HS6ST3: variants seen among roughly 807,000 people sequenced by gnomAD.
HS6ST3 encodes the protein heparan sulfate 6-O-sulfotransferase 3.
HS6ST3 carries 12 observed loss-of-function variants against 36.7 expected under a neutral mutation model. The ratio of observed to expected loss-of-function variants is 0.33; its 90% CI spans 0.21 to 0.53. The LOEUF is 0.53. HS6ST3 is among the 20% of genes least tolerant of loss of function. HS6ST3 has a pLI of 0.95. For synonymous variants in HS6ST3, 240 were observed against 257.5 expected (o/e 0.93, Z 0.65); for missense variants, 584 against 640.9 (o/e 0.91, Z 0.96).
chr13:96,736,861 G>A (rs1361704679), intron 1 of HS6ST3, among the ~76,000 whole-genome samples: 1 of 152,126 alleles, frequency 6.6e-6, no homozygotes, highest in Non-Finnish European at 1.5e-5. Flanking sequence ...CAAACATGGA[G>A]ACAATAAGAA....
chr13:96,432,085 G>A (rs937928264), intron 1 of HS6ST3, among the ~76,000 whole-genome samples: 4 of 152,064 alleles, frequency 2.6e-5, no homozygotes, highest in African/African-American at 9.7e-5. Flanking sequence ...AACAAAGTAT[G>A]GAAATGGAAA....
chr13:96,339,428 T>C (rs1171702155), intron 1 of HS6ST3, among the ~76,000 whole-genome samples: 1 of 152,138 alleles, frequency 6.6e-6, no homozygotes, highest in African/African-American at 2.4e-5. Context: ...ATTCTTCTCA[T>C]GAAGCTTTTC....
chr13:96,490,668 G>C (rs1012652582), intron 1 of HS6ST3, among the ~76,000 whole-genome samples: 2 of 152,154 alleles, frequency 1.3e-5, no homozygotes, highest in Admixed American at 1.3e-4. Context: ...TGTCACTTGA[G>C]AGGCATATTT....
chr13:96,553,128 G>A (rs928955167), intron 1 of HS6ST3, among the ~76,000 whole-genome samples: 6 of 152,178 alleles, frequency 3.9e-5, no homozygotes, highest in African/African-American at 9.7e-5. Flanking sequence ...GAAGGAGTCT[G>A]TGTAATTCCC....
At position 96,090,761 on chromosome 13, in the gene HS6ST3, C is replaced by A; in HGVS notation, c.-102C>A. On this transcript the variant is annotated 5_prime_UTR_variant, in exon 1 of 2. Transcript: ENST00000376705. ...GTCAGGGGCATGGAGGAACGGCGGG[C>A]TCCGAGCCGCGCCCCGGAGTCCGCG... is the stretch of plus-strand genomic sequence containing the variant. The A allele has an allele frequency of 4.1e-6, 4 of 971,302 alleles. No homozygotes were observed. The highest frequency in any genetic ancestry group is 5.5e-5 in the South Asian group (2 of 36,490). 60.2% of individuals were successfully genotyped at this position (971,302 alleles called of 1,614,324 possible).
At chr13:96,242,125 C>T (rs1330298878) in intron 1 of HS6ST3, among the ~76,000 whole-genome samples, 7 of 151,834 alleles carry the variant, frequency 4.6e-5, no homozygotes, top group Non-Finnish European at 1.0e-4. Context: ...GGGGGCCGGG[C>T]GCATAACTAA....
At chr13:96,552,998 G>A (rs1335889482) in intron 1 of HS6ST3, among the ~76,000 whole-genome samples, 1 of 152,152 alleles carries the variant, frequency 6.6e-6, no homozygotes, top group Non-Finnish European at 1.5e-5. Context: ...CCTGCAGGGA[G>A]AGGAGTGAGG....
chr13:96,831,781 C>G (rs1338886744), intron 1 of HS6ST3, among the ~76,000 whole-genome samples: 1 of 151,690 alleles, frequency 6.6e-6, no homozygotes, highest in African/African-American at 2.4e-5. Flanking sequence ...ATGATGAAAC[C>G]CCATCTCTAT....
intron 1 of HS6ST3, among the ~76,000 whole-genome samples, chr13:96,554,343 A>C (rs2056231433): frequency 6.6e-6 from 1 of 152,196 alleles, no homozygotes; most frequent in Non-Finnish European, 1.5e-5. Flanking sequence ...CTATGTAAAA[A>C]TGGTATTATA....
Position 96,661,230 on chromosome 13 carries a change from C to T in HS6ST3, c.708-171260C>T, listed in dbSNP as rs554156421. ...TCGAAGATCTACCTAATACTGTTGG[C>T]GGTGTGTTGAAGTCCCCCACCATTA... On this transcript the variant is annotated intron_variant, in intron 1 of 1. Coordinates refer to ENST00000376705, the MANE Select transcript of HS6ST3 (RefSeq NM_153456.4). Among the ~76,000 whole-genome samples, 16 of 152,178 alleles carry T rather than the reference C, an allele frequency of 1.1e-4. No homozygotes were observed. In the South Asian group the frequency reaches 2.5e-3, roughly 24 times the overall value.
intron 1 of HS6ST3, among the ~76,000 whole-genome samples, chr13:96,567,831 G>A (rs992956511): frequency 3.3e-5 from 5 of 152,140 alleles, no homozygotes; most frequent in East Asian, 3.8e-4. Context: ...CATTTCTTCC[G>A]AAGTAGAAAG....
chr13:96,602,652 T>C (rs777669917), intron 1 of HS6ST3, among the ~76,000 whole-genome samples: 2 of 152,162 alleles, frequency 1.3e-5, no homozygotes, highest in Non-Finnish European at 2.9e-5. Context: ...GTCCCAGCAG[T>C]AGTGTGGCTC....
chr13:96,300,265 C>T (rs1294571870), intron 1 of HS6ST3, among the ~76,000 whole-genome samples: 1 of 151,718 alleles, frequency 6.6e-6, no homozygotes, highest in Non-Finnish European at 1.5e-5. Context: ...CCATGTTGGC[C>T]AGGCTGGTCT....
At chr13:96,474,521 T>TA (rs1212249303) in intron 1 of HS6ST3, among the ~76,000 whole-genome samples, 1 of 152,210 alleles carries the variant, frequency 6.6e-6, no homozygotes, top group Non-Finnish European at 1.5e-5. Flanking sequence ...CTTTGCATTA[T>TA]ACAATCAGTA....
At chr13:96,824,092 C>T (rs946077322) in intron 1 of HS6ST3, among the ~76,000 whole-genome samples, 10 of 152,228 alleles carry the variant, frequency 6.6e-5, no homozygotes, top group African/African-American at 1.4e-4. Flanking sequence ...CCGAGCCTCT[C>T]CCCTCTTGAG....
intron 1 of HS6ST3, among the ~76,000 whole-genome samples, chr13:96,669,700 T>G (rs868044788): frequency 2.3e-4 from 35 of 152,200 alleles, no homozygotes; most frequent in Middle Eastern, 3.2e-3. Context: ...TGTTTTGCTC[T>G]GGATCCTGCT....
intron 1 of HS6ST3, among the ~76,000 whole-genome samples, chr13:96,214,344 G>C (rs543564336): frequency 6.6e-6 from 1 of 152,216 alleles, no homozygotes; most frequent in South Asian, 2.1e-4. Context: ...AATCCCCCAA[G>C]AGGTAGAATC....
intron 1 of HS6ST3, among the ~76,000 whole-genome samples, chr13:96,461,990 C>T (rs2055786816): frequency 6.6e-6 from 1 of 152,170 alleles, no homozygotes; most frequent in Non-Finnish European, 1.5e-5. Context: ...TGTGTTATCT[C>T]AGGAATGTTA....
At chr13:96,538,223 G>A (rs1457772133) in intron 1 of HS6ST3, among the ~76,000 whole-genome samples, 1 of 152,190 alleles carries the variant, frequency 6.6e-6, no homozygotes, top group South Asian at 2.1e-4. Flanking sequence ...TGCAGAAACA[G>A]ATGCTATTTT....
Sources: allele counts gnomAD v4.1 joint callset (sites outside exome capture counted in the v4.1 genomes callset), GRCh38; gene constraint gnomAD v4.1.1; transcripts MANE v1.5; gene names NCBI Gene and HGNC (gene_info 2026-07-23, HGNC 2026-07-21).